SCFD1: variants seen among roughly 807,000 people sequenced by gnomAD.
SCFD1 encodes sec1 family domain-containing protein 1.
A neutral mutation model predicts 103.2 loss-of-function variants in SCFD1; 37 were observed. That is an observed-to-expected ratio of 0.36 (90% CI 0.28 to 0.47). The LOEUF (loss-of-function observed/expected upper bound fraction) is 0.47. SCFD1 is among the 20% of genes least tolerant of loss of function. The pLI is 1.00. For synonymous variants in SCFD1, 264 were observed against 245.0 expected (o/e 1.08, Z -0.73); for missense variants, 639 against 761.2 (o/e 0.84, Z 1.89).
chr14:30,699,045 C>CT (rs1452141803), intron 15 of SCFD1, among the ~76,000 whole-genome samples: 3 of 152,076 alleles, frequency 2.0e-5, no homozygotes, highest in Non-Finnish European at 4.4e-5. Flanking sequence ...TTAGCCTGTA[C>CT]TGAATCAGGC....
intron 22 of SCFD1, 38 bp downstream of exon 22, chr14:30,721,955 G>T: frequency 6.8e-7 from 1 of 1,474,900 alleles, no homozygotes; most frequent in Non-Finnish European, 9.5e-7. Flanking sequence ...CCTAGAAAGG[G>T]AAGATGAAAG....
intron 5 of SCFD1, 78 bp downstream of exon 5, chr14:30,638,325 A>AT: frequency 1.0e-5 from 16 of 1,593,964 alleles, no homozygotes; most frequent in Non-Finnish European, 1.3e-5. Flanking sequence ...GTTGGCATAG[A>AT]TATCTATTTG....
intron 14 of SCFD1, among the ~76,000 whole-genome samples, chr14:30,680,894 T>G (rs1468918120): frequency 6.6e-6 from 1 of 152,214 alleles, no homozygotes; most frequent in Non-Finnish European, 1.5e-5. Flanking sequence ...CTTCTGCCTA[T>G]TTTGGATTTA....
chr14:30,641,805 C>T (rs1353893576), intron 6 of SCFD1, among the ~76,000 whole-genome samples: 3 of 151,960 alleles, frequency 2.0e-5, no homozygotes, highest in South Asian at 2.1e-4. Context: ...TTGAATTCTG[C>T]TTTCCTCTTA....
At chr14:30,718,854 G>T (rs1892460960) in intron 20 of SCFD1, among the ~76,000 whole-genome samples, 1 of 152,178 alleles carries the variant, frequency 6.6e-6, no homozygotes, top group Non-Finnish European at 1.5e-5. Flanking sequence ...TTGATTAGCA[G>T]TGTCCACCCC....
chr14:30,723,452 T>C (rs1035312297), intron 23 of SCFD1, among the ~76,000 whole-genome samples: 4 of 152,234 alleles, frequency 2.6e-5, no homozygotes, highest in African/African-American at 9.6e-5. Flanking sequence ...TTTTGCTACA[T>C]AGGTAAACTC....
intron 14 of SCFD1, among the ~76,000 whole-genome samples, chr14:30,678,582 G>A (rs1340085249): frequency 6.6e-6 from 1 of 152,064 alleles, no homozygotes; most frequent in African/African-American, 2.4e-5. Context: ...TACATAATTT[G>A]TAGACAGCCT....
rs774830775 is a variant in SCFD1 at position 30,639,627 on chromosome 14, A to G, written c.436-150A>G. On this transcript the variant is annotated intron_variant, in intron 5 of 24. Coordinates refer to ENST00000458591, the MANE Select transcript of SCFD1 (RefSeq NM_016106.4). ...ACTCTTTACTCCTCATTCTTGTTCAATTAGGCTGTTACACAGTACAATTTT... is the reference window on the plus strand; with the variant it reads ...ACTCTTTACTCCTCATTCTTGTTCAGTTAGGCTGTTACACAGTACAATTTT... 4.1e-4 allele frequency: 301 copies of G among 727,548 alleles called. 1 individual carries two copies. Among genetic ancestry groups the G allele is most frequent in the Non-Finnish European group, 5.4e-4 (278 of 511,848 alleles). The allele number at this position is 727,548 out of a possible 1,614,324, so 45.1% of individuals were successfully genotyped here.
intron 9 of SCFD1, among the ~76,000 whole-genome samples, chr14:30,651,757 T>G (rs1165794267): frequency 1.3e-5 from 2 of 152,188 alleles, no homozygotes; most frequent in African/African-American, 4.8e-5. Context: ...TATTTCTTAA[T>G]CATTTTCCTT....
At chr14:30,662,845 G>A (rs1887571019) in intron 10 of SCFD1, among the ~76,000 whole-genome samples, 1 of 152,108 alleles carries the variant, frequency 6.6e-6, no homozygotes, top group South Asian at 2.1e-4. Context: ...GCTTCTACAT[G>A]TTTTTAGCAT....
At position 30,666,141 on chromosome 14, in the gene SCFD1, C is replaced by G. The variant is rs368438574; in HGVS notation, c.856-4115C>G. On this transcript the variant is annotated intron_variant, in intron 10 of 24. Transcript: ENST00000458591. Reference sequence around the variant, plus strand: ...CACATCACACTTATTCCAAAACTGACCACATAGTTGGTAGTAAAGCACTCC... The same window carrying G: ...CACATCACACTTATTCCAAAACTGAGCACATAGTTGGTAGTAAAGCACTCC... Among the ~76,000 whole-genome samples the G allele has an allele frequency of 4.6e-5, 7 of 152,300 alleles. No individual in the cohort carries two copies. In the South Asian group the frequency reaches 1.2e-3, roughly 27 times the overall value.
At chr14:30,622,973 C>G (rs952219205) in intron 1 of SCFD1, among the ~76,000 whole-genome samples, 4 of 152,146 alleles carry the variant, frequency 2.6e-5, no homozygotes, top group African/African-American at 9.7e-5. Context: ...AATTGTTTGA[C>G]ACATTGTTTT....
At chr14:30,729,012 G>C (rs1243629019) in intron 23 of SCFD1, among the ~76,000 whole-genome samples, 1 of 151,800 alleles carries the variant, frequency 6.6e-6, no homozygotes. Context: ...CATCCACCTT[G>C]GCCTCCCAGA....
intron 14 of SCFD1, among the ~76,000 whole-genome samples, chr14:30,682,532 C>T (rs187500447): frequency 6.6e-6 from 1 of 152,240 alleles, no homozygotes; most frequent in East Asian, 1.9e-4. Flanking sequence ...ATAAATTAAC[C>T]AGCTATTTTG....
intron 14 of SCFD1, among the ~76,000 whole-genome samples, chr14:30,683,950 A>G (rs777762224): frequency 6.6e-6 from 1 of 152,214 alleles, no homozygotes; most frequent in Non-Finnish European, 1.5e-5. Flanking sequence ...TCATCAACCC[A>G]GTCATTAGAC....
At chr14:30,632,898 G>A (rs1428350893) in intron 3 of SCFD1, among the ~76,000 whole-genome samples, 3 of 152,132 alleles carry the variant, frequency 2.0e-5, no homozygotes, top group Non-Finnish European at 4.4e-5. Flanking sequence ...TGAGAGTCTC[G>A]TAATCTCTGC....
At chr14:30,631,276 C>T (rs1208362994) in intron 3 of SCFD1, among the ~76,000 whole-genome samples, 1 of 152,088 alleles carries the variant, frequency 6.6e-6, no homozygotes, top group Admixed American at 6.5e-5. Context: ...TCACTTGAAC[C>T]CGGGAGGCAG....
At chr14:30,653,253 A>G (rs1315298014) in intron 9 of SCFD1, among the ~76,000 whole-genome samples, 2 of 152,132 alleles carry the variant, frequency 1.3e-5, no homozygotes, top group Non-Finnish European at 2.9e-5. Context: ...GTTAGCTATG[A>G]TCGCGCCACT....
chr14:30,641,301 A>G (rs1405390686), intron 6 of SCFD1, among the ~76,000 whole-genome samples: 2 of 152,154 alleles, frequency 1.3e-5, no homozygotes, highest in Non-Finnish European at 1.5e-5. Flanking sequence ...GAGCAAGGAG[A>G]TTTATTATCT....
Sources: allele counts gnomAD v4.1 joint callset (sites outside exome capture counted in the v4.1 genomes callset), GRCh38; gene constraint gnomAD v4.1.1; transcripts MANE v1.5; gene names NCBI Gene and HGNC (gene_info 2026-07-23, HGNC 2026-07-21).